SPMIP6: variants seen among roughly 807,000 people sequenced by gnomAD.
SPMIP6 encodes the protein ciliated bronchial epithelial protein 1.
chr9:34,380,842 G>T, the SPMIP6 span: 13 of 1,519,610 alleles, frequency 8.6e-6, no homozygotes, highest in African/African-American at 1.6e-4. Flanking sequence ...GCGGGGTTCT[G>T]GGGCGGGGCT....
At chr9:34,390,193 A>G in the SPMIP6 span, 15 of 152,090 alleles carry the variant, frequency 9.9e-5, no homozygotes, top group Non-Finnish European at 1.9e-4. Context: ...GAATAGAAGT[A>G]GTGAACATCC....
At chr9:34,381,820 G>T in the SPMIP6 span, 4 of 964,112 alleles carry the variant, frequency 4.1e-6, no homozygotes, top group African/African-American at 5.3e-5. The surrounding 1 kb of genome is among the most constrained non-coding windows in gnomAD (Gnocchi z 4.4). Flanking sequence ...TGAAAGATTC[G>T]ATTCTTGAGG....
chr9:34,389,080 C>T, the SPMIP6 span, among the ~76,000 whole-genome samples: 1 of 151,900 alleles, frequency 6.6e-6, no homozygotes, highest in Non-Finnish European at 1.5e-5. Context: ...TACAGGTGCA[C>T]ACCACCACAC....
chr9:34,389,739 A>T, the SPMIP6 span, among the ~76,000 whole-genome samples: 19 of 152,270 alleles, frequency 1.2e-4, no homozygotes, highest in East Asian at 7.7e-4. Context: ...AAGTATTTTT[A>T]AAAAAGTATT....
chr9:34,397,796 A>G, the SPMIP6 span: 1 of 682,790 alleles, frequency 1.5e-6, no homozygotes, highest in South Asian at 1.9e-5. Flanking sequence ...CTTCCCCAAC[A>G]GCCTTCCTGC....
At chr9:34,380,773 G>A in the SPMIP6 span, 1 of 1,546,962 alleles carries the variant, frequency 6.5e-7, no homozygotes. Flanking sequence ...TCGAGAGCGT[G>A]CAGCGCGGGG....
At chr9:34,381,046 G>GT in the SPMIP6 span, 1 of 1,611,918 alleles carries the variant, frequency 6.2e-7, no homozygotes. The surrounding 1 kb of genome is among the most constrained non-coding windows in gnomAD (Gnocchi z 4.4). Flanking sequence ...CGGGCAGCGG[G>GT]TCCACGCACC....
the SPMIP6 span, among the ~76,000 whole-genome samples, chr9:34,388,932 C>CT: frequency 6.0e-3 from 658 of 109,802 alleles, 17 homozygotes; most frequent in East Asian, 0.027. Context: ...CTCTCTCTTT[C>CT]TTTTTTTTTT....
At chr9:34,385,316 G>A in the SPMIP6 span, among the ~76,000 whole-genome samples, 1 of 151,984 alleles carries the variant, frequency 6.6e-6, no homozygotes, top group Non-Finnish European at 1.5e-5. Context: ...CAGATCACCT[G>A]AGGTCAGAAG....
At chr9:34,382,730 G>C in the SPMIP6 span, 1 of 1,515,618 alleles carries the variant, frequency 6.6e-7, no homozygotes. Flanking sequence ...GTCCCCAGAC[G>C]TCTGTGCTGG....
At chr9:34,397,717 GCCA>G in the SPMIP6 span, 1 of 1,416,794 alleles carries the variant, frequency 7.1e-7, no homozygotes, top group Non-Finnish European at 9.5e-7. Context: ...CCCTAGACAG[GCCA>G]CACCTCCAGC....
the SPMIP6 span, among the ~76,000 whole-genome samples, chr9:34,383,336 C>A: frequency 6.6e-6 from 1 of 152,194 alleles, no homozygotes; most frequent in Admixed American, 6.5e-5. Context: ...CCAGCCTGGC[C>A]AACATGGCAA....
the SPMIP6 span, chr9:34,390,173 GTGCAA>G: frequency 6.6e-6 from 1 of 151,550 alleles, no homozygotes; most frequent in South Asian, 2.1e-4. Flanking sequence ...AGGACCTCCA[GTGCAA>G]TGCTGAATAG....
chr9:34,379,993 T>G, the SPMIP6 span, among the ~76,000 whole-genome samples: 1 of 151,948 alleles, frequency 6.6e-6, no homozygotes, highest in Non-Finnish European at 1.5e-5. This position sits in a 1 kb window ranked among gnomAD's most constrained non-coding sequence, Gnocchi z 4.2. Context: ...CTCCGGGCGT[T>G]GAGGACCTGG....
the SPMIP6 span, among the ~76,000 whole-genome samples, chr9:34,383,468 G>T: frequency 6.6e-6 from 1 of 152,210 alleles, no homozygotes; most frequent in African/African-American, 2.4e-5. Flanking sequence ...ATGTTTCAGT[G>T]AGCCAAGGTC....
the SPMIP6 span, among the ~76,000 whole-genome samples, chr9:34,394,778 G>A: frequency 6.6e-6 from 1 of 152,078 alleles, no homozygotes; most frequent in Non-Finnish European, 1.5e-5. Flanking sequence ...CCTGTTTATA[G>A]TGCTAATAAT....
At chr9:34,381,595 C>G in the SPMIP6 span, 3 of 1,449,910 alleles carry the variant, frequency 2.1e-6, no homozygotes, top group South Asian at 2.7e-5. This position sits in a 1 kb window ranked among gnomAD's most constrained non-coding sequence, Gnocchi z 4.4. Context: ...GTGTTGGCGG[C>G]TGTCACCGGG....
chr9:34,385,907 A>C, the SPMIP6 span: 1 of 828,432 alleles, frequency 1.2e-6, no homozygotes, highest in Non-Finnish European at 1.9e-6. Context: ...CCCCCTCCCC[A>C]TGTCAGAGGG....
chr9:34,389,753 TAA>T, the SPMIP6 span, among the ~76,000 whole-genome samples: 2 of 152,228 alleles, frequency 1.3e-5, no homozygotes, highest in African/African-American at 4.8e-5. Flanking sequence ...AAGTATTCAA[TAA>T]AGTTTTATAA....
Sources: allele counts gnomAD v4.1 joint callset (sites outside exome capture counted in the v4.1 genomes callset), GRCh38; gene constraint gnomAD v4.1.1; non-coding constraint Gnocchi (gnomAD v3.1); transcripts MANE v1.5; gene names NCBI Gene and HGNC (gene_info 2026-07-23, HGNC 2026-07-21).